The following TTLL3 variants were observed in gnomAD, a reference collection of about 807,000 sequenced individuals.
TTLL3 encodes the protein tubulin monoglycylase TTLL3.
Under a neutral mutation model 75.2 loss-of-function variants are expected in TTLL3, and 63 were observed. That is an observed-to-expected ratio of 0.84 (90% confidence interval 0.68 to 1.03). TTLL3 has a LOEUF of 1.03. Among genes scored for constraint, TTLL3 ranks in the 50% least tolerant of loss-of-function variants. TTLL3 has a pLI of 0.00. For synonymous variants in TTLL3, 393 were observed against 418.5 expected (o/e 0.94, Z 0.74); for missense variants, 997 against 1,069.9 (o/e 0.93, Z 0.95).
At position 9,832,792 on chromosome 3, in the gene TTLL3, A is replaced by G. The variant is rs1405666577; in HGVS notation, c.1684-312A>G. The stretch of plus-strand genomic sequence containing the variant: ...ATTGGCTCAGCTCAGGAAGCTGTCC[A>G]CCAGCAGTGGCCTGTGCAGTGGAGC... On this transcript the variant is annotated intron_variant, in intron 11 of 13. Coordinates refer to ENST00000685419, the MANE Select transcript of TTLL3 (RefSeq NM_001387446.1). 1.3e-5 allele frequency among the ~76,000 whole-genome samples: 2 copies of G among 152,302 alleles called. 1 individual carries two copies. The highest frequency in any genetic ancestry group is 6.8e-3 in the Middle Eastern group (2 of 294).
chr3:9,811,836 C>G (rs2079382179), intron 2 of TTLL3, among the ~76,000 whole-genome samples: 1 of 152,236 alleles, frequency 6.6e-6, no homozygotes, highest in African/African-American at 2.4e-5. Flanking sequence ...CATGCATTCC[C>G]CTCTGCCTGA....
intron 8 of TTLL3, chr3:9,825,302 C>T (rs1254125645): frequency 5.5e-6 from 1 of 181,574 alleles, no homozygotes; most frequent in Admixed American, 5.8e-5. Context: ...TTCACCACTG[C>T]ACTTCAGCCT....
chr3:9,817,772 C>A lies in TTLL3; in HGVS notation c.559+13C>A. 8 of 1,613,858 alleles carry A rather than the reference C, an allele frequency of 5.0e-6. No homozygotes were observed. Among genetic ancestry groups the A allele is most frequent in the Non-Finnish European group, 6.8e-6 (8 of 1,179,888 alleles). The stretch of plus-strand genomic sequence containing the variant: ...AAAGCCTTCATAGGTAAGGAGACCC[C>A]CAGCCCTATGCCTGAACCTCAGGCT... On this transcript the variant is annotated intron_variant, in intron 6 of 13. Transcript: ENST00000685419.
Position 9,818,905 on chromosome 3 carries a change from G to T in TTLL3, c.643G>T (p.Glu215Ter). The T allele has an allele frequency of 6.2e-7, 1 of 1,614,106 alleles. No homozygotes were observed. The highest frequency in any genetic ancestry group is 8.5e-7 in the Non-Finnish European group (1 of 1,180,014). Residue 215 changes from glutamate to a stop codon, truncating the protein, a stop_gained, in exon 7 of 14, where the codon GAG becomes TAG. Coordinates refer to ENST00000685419, the MANE Select transcript of TTLL3 (RefSeq NM_001387446.1). LOFTEE classifies it high-confidence loss of function. ...EWKSYPIQAV[E>*]EEASGDKQPK... ...GAAGTCATACCCTATTCAGGCAGTAGAGGAAGAGGCCTCAGGTAAGTACTG... is the reference window on the plus strand; with the variant it reads ...GAAGTCATACCCTATTCAGGCAGTATAGGAAGAGGCCTCAGGTAAGTACTG...
Position 9,827,165 on chromosome 3 carries a change from C to T in TTLL3, c.1172C>T (p.Pro391Leu). 1.2e-6 allele frequency: 2 copies of T among 1,614,244 alleles called. No individual in the cohort carries two copies. Among genetic ancestry groups the T allele is most frequent in the Non-Finnish European group, 1.7e-6 (2 of 1,180,040 alleles). ...TGGTTCCTGGTAACTGACTGGAACC[C>T]ACTTACCGTGTGGTTCTACCGCGAC... ...RQWFLVTDWN[P>L]LTVWFYRDSY... Residue 391 changes from proline to leucine, a missense_variant, in exon 10 of 14, where the codon CCA (proline) becomes CTA (leucine). By Grantham distance (98) the Pro-to-Leu change is moderately conservative (BLOSUM62 -3). Coordinates refer to ENST00000685419, the MANE Select transcript of TTLL3 (RefSeq NM_001387446.1).
upstream of TTLL3, chr3:9,810,195 G>A (rs1267720790): frequency 2.7e-6 from 4 of 1,479,840 alleles, no homozygotes; most frequent in Non-Finnish European, 3.6e-6. This position sits in a 1 kb window ranked among gnomAD's most constrained non-coding sequence, Gnocchi z 4.4. Flanking sequence ...CCAGGAGGCT[G>A]CCATGGGCCG....
At position 9,829,290 on chromosome 3, in the gene TTLL3, T is replaced by C. The variant is rs1223748913; in HGVS notation, c.1578T>C (p.Thr526=). ...CGATGGCACCCTCCACAGCAGTCAC[T>C]GCCCGGCTCTGTGCTGGCGTGCAAG... is the stretch of plus-strand genomic sequence containing the variant. ...SPTMAPSTAV[T]ARLCAGVQAD... The change falls in exon 11 of 14, where the codon ACT becomes ACC. Residue 526 remains threonine, a synonymous_variant. Transcript: ENST00000685419. 1 of 1,613,996 alleles carries C rather than the reference T, an allele frequency of 6.2e-7. No individual in the cohort carries two copies. Among genetic ancestry groups the C allele is most frequent in the Non-Finnish European group, 8.5e-7 (1 of 1,180,042 alleles).
chr3:9,832,411 CAAGT>C (rs1159153182), intron 11 of TTLL3, among the ~76,000 whole-genome samples: 1 of 152,056 alleles, frequency 6.6e-6, no homozygotes, highest in African/African-American at 2.4e-5. Context: ...TAACAAGCTC[CAAGT>C]AATTCTGATG....
At position 9,835,304 on chromosome 3, in the gene TTLL3, C is replaced by T. The variant is rs376875827; in HGVS notation, c.2263C>T (p.Arg755Cys). The T allele has an allele frequency of 1.6e-4, 263 of 1,614,062 alleles. 1 individual carries two copies. The highest frequency in any genetic ancestry group is 1.4e-4 in the Non-Finnish European group (168 of 1,180,034). Residue 755 changes from arginine to cysteine, a missense_variant, in exon 14 of 14, where the codon CGC becomes TGC. Arg to Cys is a radical substitution (Grantham distance 180, BLOSUM62 -3). Transcript: ENST00000685419. The part of the protein sequence containing the change: ...PLPLVGTFQR[R>C]RGLGDMKLGK... The stretch of plus-strand genomic sequence containing the variant: ...GCCCCTTGTTGGTACATTCCAGAGG[C>T]GCAGGGGCCTGGGGGATATGAAGCT...
At chr3:9,818,669 G>C in intron 6 of TTLL3, 153 bp from the exon 7 acceptor site, 2 of 1,508,686 alleles carry the variant, frequency 1.3e-6, no homozygotes, top group Non-Finnish European at 1.8e-6. Flanking sequence ...TGACCAGCCT[G>C]AAACAGGAGC....
In TTLL3 at chr3:9,835,306, C is replaced by A; in HGVS notation, c.2265C>A (p.Arg755=). ...PLPLVGTFQR[R]RGLGDMKLGK... ...CCCTTGTTGGTACATTCCAGAGGCG[C>A]AGGGGCCTGGGGGATATGAAGCTAG... Residue 755 remains arginine, a synonymous_variant, in exon 14 of 14, where the codon CGC becomes CGA. Coordinates refer to ENST00000685419, the MANE Select transcript of TTLL3 (RefSeq NM_001387446.1). 1.9e-6 allele frequency: 3 copies of A among 1,614,194 alleles called. No individual in the cohort carries two copies. The African/African-American group carries it at 4.0e-5, about 22-fold the overall frequency.
rs371859310 is a variant in TTLL3 at position 9,829,049 on chromosome 3, C to T, written c.1337C>T (p.Ser446Phe). 2.1e-5 allele frequency: 34 copies of T among 1,614,156 alleles called. No homozygotes were observed. In the African/African-American group the frequency reaches 4.3e-4, roughly 20 times the overall value. ...HPLLPPDNMW[S>F]SQRFQAHLQE... is the part of the protein sequence containing the mutation. ...CTGCTTCCGCCAGACAACATGTGGT[C>T]TAGCCAGAGGTTCCAGGCCCACCTG... is the stretch of plus-strand genomic sequence containing the variant. Residue 446 changes from serine to phenylalanine, a missense_variant, in exon 11 of 14, where the codon TCT becomes TTT. Physicochemically the swap from Ser to Phe is radical, Grantham distance 155. Transcript: ENST00000685419.
chr3:9,821,925 C>T (rs933846270), intron 8 of TTLL3, among the ~76,000 whole-genome samples: 7 of 151,102 alleles, frequency 4.6e-5, no homozygotes, highest in African/African-American at 7.3e-5. Flanking sequence ...ATCGCTTGAA[C>T]CTGGGAGTCG....
At position 9,834,779 on chromosome 3, in the gene TTLL3, C is replaced by T. The variant is rs746244637; in HGVS notation, c.1924C>T (p.Leu642=). The T allele has an allele frequency of 6.2e-7, 1 of 1,614,256 alleles. No individual in the cohort carries two copies. Residue 642 remains leucine, a synonymous_variant, in exon 13 of 14, where the codon CTG becomes TTG. Coordinates refer to ENST00000685419, the MANE Select transcript of TTLL3 (RefSeq NM_001387446.1). ...GQVLRRQHSK[L]VGTKALSTTG... is the part of the protein sequence containing the mutation. ...GGTCCTCAGACGACAGCACAGCAAG[C>T]TGGTGGGCACTAAGGCCCTGTCGAC...
Position 9,835,492 on chromosome 3 carries a change from C to A in TTLL3, c.*3C>A. 2 of 1,578,088 alleles carry A rather than the reference C, an allele frequency of 1.3e-6. No individual in the cohort carries two copies. Among genetic ancestry groups the A allele is most frequent in the Non-Finnish European group, 1.7e-6 (2 of 1,164,166 alleles). On this transcript the variant is annotated 3_prime_UTR_variant, in exon 14 of 14. Coordinates refer to ENST00000685419, the MANE Select transcript of TTLL3 (RefSeq NM_001387446.1). ...CAGGGTCCACAGCAAGAGCCTGAGG[C>A]CATCAGCAGCTCCTCCGTGCAGCGA...
upstream of TTLL3, chr3:9,810,192 G>A: frequency 6.8e-7 from 1 of 1,475,230 alleles, no homozygotes; most frequent in Non-Finnish European, 8.9e-7. The surrounding 1 kb of genome is among the most constrained non-coding windows in gnomAD (Gnocchi z 4.4). Flanking sequence ...CACCCAGGAG[G>A]CTGCCATGGG....
intron 11 of TTLL3, 118 bp downstream of exon 11, chr3:9,829,513 G>T (rs1336478007): frequency 7.4e-7 from 1 of 1,347,054 alleles, no homozygotes; most frequent in Non-Finnish European, 9.8e-7. Flanking sequence ...TTCAAGTCCT[G>T]GTCCTGCTAA....
chr3:9,817,714 C>T lies in TTLL3; in HGVS notation c.514C>T (p.Arg172Cys), dbSNP rs367876442. The T allele has an allele frequency of 3.2e-5, 52 of 1,614,040 alleles. No homozygotes were observed. Among genetic ancestry groups the T allele is most frequent in the Non-Finnish European group, 4.0e-5 (47 of 1,180,042 alleles). ...DEVDANSFFP[R>C]CYCLGAEDDK... ...GGTTGATGCCAACTCCTTCTTCCCA[C>T]GCTGCTACTGCCTGGGGGCTGAGGA... Residue 172 changes from arginine to cysteine, a missense_variant, in exon 6 of 14, where the codon CGC becomes TGC. Arg to Cys is a radical substitution (Grantham distance 180). Transcript: ENST00000685419.
rs2081008586 is a variant in TTLL3, at chr3:9,826,063, C to G, written c.1003+115C>G. On this transcript the variant is annotated intron_variant, in intron 9 of 13. Coordinates refer to ENST00000685419, the MANE Select transcript of TTLL3 (RefSeq NM_001387446.1). ...AAGCCAAATTGCCTGGGTTTGAGTC[C>G]TAGCTCTGCTACTAATGTGCTTCGT... 3.4e-6 allele frequency: 5 copies of G among 1,457,160 alleles called. No individual in the cohort carries two copies. The East Asian group carries it at 9.8e-5, about 29-fold the overall frequency. 90.3% of individuals were successfully genotyped at this position (1,457,160 alleles called of 1,614,324 possible). A position where few individuals can be genotyped will look rare whatever the true frequency, so the allele number is the denominator to read the frequency against.
Sources: gnomAD v4.1 joint callset for allele counts (sites outside exome capture counted in the v4.1 genomes callset) on GRCh38, gnomAD v4.1.1 for gene constraint, Gnocchi (gnomAD v3.1) non-coding constraint, MANE v1.5 for transcripts, NCBI Gene and HGNC (gene_info 2026-07-23, HGNC 2026-07-21) for gene names.